The following ACAT1 variants were observed in gnomAD, a reference collection of about 807,000 sequenced individuals.
ACAT1 encodes acetyl-CoA acetyltransferase 1, also known as acetyl-CoA acetyltransferase, mitochondrial.
ACAT1 carries 28 observed loss-of-function variants against 47.3 expected under a neutral mutation model. The ratio of observed to expected loss-of-function variants is 0.59; its 90% CI spans 0.44 to 0.81. ACAT1 has a LOEUF of 0.81. Ranked by LOEUF, ACAT1 falls within the 30% of genes least tolerant of loss-of-function variation. ACAT1 has a pLI of 0.00. For missense variants in ACAT1, 469 were observed against 524.3 expected (o/e 0.89, Z 1.03); for synonymous variants, 181 against 173.6 (o/e 1.04, Z -0.34).
intron 8 of ACAT1, 90 bp downstream of exon 8, chr11:108,141,790 A>G: frequency 1.8e-6 from 1 of 568,750 alleles, no homozygotes; most frequent in Admixed American, 2.9e-5. Context: ...GAAAAATTCT[A>G]GAAAACATCT....
At position 108,147,285 on chromosome 11, in the gene ACAT1, G is replaced by A; in HGVS notation, c.1179G>A (p.Arg393=). The A allele has an allele frequency of 6.2e-7, 1 of 1,613,944 alleles. No homozygotes were observed. Among genetic ancestry groups the A allele is most frequent in the Non-Finnish European group, 8.5e-7 (1 of 1,179,898 alleles). ...LGHPIGMSGA[R]IVGHLTHALK... is the part of the protein sequence containing the mutation. ...TTAATTTTAGGATGTCTGGAGCCAGGATTGTTGGTCATTTGACTCATGCCT... is the reference window on the plus strand; with the variant it reads ...TTAATTTTAGGATGTCTGGAGCCAGAATTGTTGGTCATTTGACTCATGCCT... The change falls in exon 12 of 12, where the codon AGG becomes AGA. Residue 393 remains arginine, a synonymous_variant. Coordinates refer to ENST00000265838, the MANE Select transcript of ACAT1 (RefSeq NM_000019.4).
chr11:108,135,292 T>G, intron 5 of ACAT1, 50 bp downstream of exon 5: 1 of 1,349,298 alleles, frequency 7.4e-7, no homozygotes, highest in Non-Finnish European at 1.1e-6. Context: ...TACCTAGGGC[T>G]AAAAGACACA....
intron 5 of ACAT1, among the ~76,000 whole-genome samples, chr11:108,135,663 A>G (rs2077455743): frequency 6.6e-6 from 1 of 152,096 alleles, no homozygotes; most frequent in South Asian, 2.1e-4. Flanking sequence ...CCCCGTCTCT[A>G]CTAAAAATAC....
Position 108,145,874 on chromosome 11 carries a change from T to C in ACAT1, c.1006-328T>C, listed in dbSNP as rs1283056427. On this transcript the variant is annotated intron_variant, in intron 10 of 11. Coordinates refer to ENST00000265838, the MANE Select transcript of ACAT1 (RefSeq NM_000019.4). ...AGCCTGGCCAAACATGGTGAAACCC[T>C]GTCTCTACTAAAAATACAAAAAATT... Among the ~76,000 whole-genome samples the C allele has an allele frequency of 3.3e-5, 5 of 152,178 alleles. No homozygotes were observed. The East Asian group carries it at 9.7e-4, about 29-fold the overall frequency.
chr11:108,141,958 G>T (rs533425325), intron 8 of ACAT1, among the ~76,000 whole-genome samples: 1 of 151,998 alleles, frequency 6.6e-6, no homozygotes, highest in East Asian at 1.9e-4. Flanking sequence ...CATTGGCATT[G>T]AAAAAAACAG....
At chr11:108,127,984 G>A (rs1312761339) in intron 1 of ACAT1, 1 of 151,704 alleles carries the variant, frequency 6.6e-6, no homozygotes, top group Non-Finnish European at 1.5e-5. Flanking sequence ...AGCTTGGTAA[G>A]ATAGTGAGAC....
At chr11:108,132,165 TA>T (rs1362279926) in intron 2 of ACAT1, among the ~76,000 whole-genome samples, 3 of 152,202 alleles carry the variant, frequency 2.0e-5, no homozygotes, top group Non-Finnish European at 4.4e-5. Context: ...TGCTTCCTTA[TA>T]GTCTGCTACA....
At chr11:108,129,439 G>A (rs2077315385) in intron 1 of ACAT1, among the ~76,000 whole-genome samples, 1 of 152,086 alleles carries the variant, frequency 6.6e-6, no homozygotes, top group Admixed American at 6.6e-5. Flanking sequence ...CGTGATCTCG[G>A]CTCACTGCAA....
At chr11:108,137,931 C>T (rs575280620) in intron 5 of ACAT1, among the ~76,000 whole-genome samples, 19 of 202 alleles carry the variant, frequency 0.094, no homozygotes, top group South Asian at 0.46. Context: ...TGGGCAACAG[C>T]GAGACCTGTC....
chr11:108,130,675 G>T (rs2077340435), intron 1 of ACAT1, among the ~76,000 whole-genome samples: 1 of 152,168 alleles, frequency 6.6e-6, no homozygotes, highest in Admixed American at 6.5e-5. Context: ...ACAGGCATGA[G>T]CCACTGCGCC....
chr11:108,145,782 C>T (rs1466092090), intron 10 of ACAT1, among the ~76,000 whole-genome samples: 2 of 152,182 alleles, frequency 1.3e-5, no homozygotes, highest in Non-Finnish European at 2.9e-5. Context: ...CGGTGGCTCA[C>T]GCCTGTAATC....
intron 5 of ACAT1, among the ~76,000 whole-genome samples, 195 bp downstream of exon 5, chr11:108,135,437 T>C (rs573962089): frequency 1.2e-4 from 19 of 152,194 alleles, no homozygotes; most frequent in African/African-American, 4.3e-4. Flanking sequence ...AGGCTGGGTA[T>C]CATGTCTGTA....
intron 2 of ACAT1, among the ~76,000 whole-genome samples, chr11:108,133,558 A>T (rs1269954283): frequency 6.6e-6 from 1 of 152,180 alleles, no homozygotes; most frequent in Admixed American, 6.5e-5. Context: ...TGAGGAATAG[A>T]AAGGAAACTT....
intron 7 of ACAT1, among the ~76,000 whole-genome samples, chr11:108,141,057 C>T (rs2077573613): frequency 1.3e-5 from 2 of 151,836 alleles, no homozygotes; most frequent in Admixed American, 1.3e-4. Flanking sequence ...GAGACTTGGC[C>T]TCCACACAAA....
chr11:108,123,059 T>C (rs2077180778), intron 1 of ACAT1, among the ~76,000 whole-genome samples: 1 of 135,326 alleles, frequency 7.4e-6, no homozygotes, highest in South Asian at 2.3e-4. Flanking sequence ...GCCCCACCTC[T>C]ATTAAAAATA....
At chr11:108,119,188 A>C (rs1222496117), upstream of ACAT1, among the ~76,000 whole-genome samples, 1 of 152,044 alleles carries the variant, frequency 6.6e-6, no homozygotes, top group Non-Finnish European at 1.5e-5. Context: ...GTACATAGCT[A>C]TGTAACCAGT....
intron 8 of ACAT1, among the ~76,000 whole-genome samples, chr11:108,142,170 G>A (rs925398566): frequency 1.3e-5 from 2 of 152,204 alleles, no homozygotes; most frequent in Non-Finnish European, 2.9e-5. Context: ...TGGTCCCTAT[G>A]TTTCAAGAGT....
At chr11:108,132,268 G>C (rs1387106619) in intron 2 of ACAT1, among the ~76,000 whole-genome samples, 1 of 152,058 alleles carries the variant, frequency 6.6e-6, no homozygotes, top group Non-Finnish European at 1.5e-5. Flanking sequence ...AGACTGTATA[G>C]AAGATCCTAG....
Position 108,147,319 on chromosome 11 carries a change from G to A in ACAT1, c.1213G>A (p.Gly405Arg). Reference protein sequence around the residue: ...VGHLTHALKQGEYGLASICNG... With the variant: ...VGHLTHALKQREYGLASICNG... ...TCATTTGACTCATGCCTTGAAGCAA[G>A]GAGAATACGGTCTTGCCAGTATTTG... The change falls in exon 12 of 12, where the codon GGA becomes AGA. Residue 405 changes from glycine to arginine, a missense_variant. Physicochemically the swap from Gly to Arg is moderately radical, Grantham distance 125. Coordinates refer to ENST00000265838, the MANE Select transcript of ACAT1 (RefSeq NM_000019.4). 1 of 1,613,980 alleles carries A rather than the reference G, an allele frequency of 6.2e-7. No homozygotes were observed. Among genetic ancestry groups the A allele is most frequent in the Non-Finnish European group, 8.5e-7 (1 of 1,179,938 alleles).
Sources: gnomAD v4.1 joint callset for allele counts (sites outside exome capture counted in the v4.1 genomes callset) on GRCh38, gnomAD v4.1.1 for gene constraint, MANE v1.5 for transcripts, NCBI Gene and HGNC (gene_info 2026-07-23, HGNC 2026-07-21) for gene names.